The following ZNF680 variants were observed in gnomAD, a reference collection of about 807,000 sequenced individuals.
ZNF680 encodes hypothetical protein FLJ90430.
In ZNF680, 6 loss-of-function variants were observed where a neutral mutation model predicts 12.1. That is an observed-to-expected ratio of 0.49 (90% confidence interval 0.27 to 0.98). ZNF680 has a LOEUF of 0.98. ZNF680 is among the 50% of genes least tolerant of loss of function. The probability of loss-of-function intolerance (pLI) is 0.12; values close to 1 mark genes in which losing one functional copy is unlikely to be tolerated. For missense variants in ZNF680, 561 were observed against 616.3 expected, an observed-to-expected ratio of 0.91 and a Z score of 0.95; for synonymous variants, 170 against 199.3, an observed-to-expected ratio of 0.85 and a Z score of 1.24.
intron 1 of ZNF680, chr7:64,561,029 A>T (rs1787705307): frequency 6.6e-6 from 1 of 150,902 alleles, no homozygotes; most frequent in Non-Finnish European, 1.5e-5. Flanking sequence ...TTTTTTCATC[A>T]TTTTTTTTCA....
At position 64,562,940 on chromosome 7, in the gene ZNF680, A is replaced by G; in HGVS notation, c.15T>C (p.Pro5=). MPGP[P]GSLEMGPLTF... ...GCACTCTCACCATTTCTAGGCTTCC[A>G]GGTGGTCCTGGCATCTTAGCTGTGC... The change falls in exon 1 of 4, where the codon CCT becomes CCC. Residue 5 remains proline (P), a synonymous_variant. Transcript: ENST00000309683. 6.2e-7 allele frequency: 1 copy of G among 1,613,724 alleles called. No individual in the cohort carries two copies. The highest frequency in any genetic ancestry group is 2.2e-5 in the East Asian group (1 of 44,858).
chr7:64,560,322 C>T (rs1221532531), intron 1 of ZNF680, among the ~76,000 whole-genome samples: 1 of 152,066 alleles, frequency 6.6e-6, no homozygotes, highest in Non-Finnish European at 1.5e-5. Flanking sequence ...CCATGTTGGC[C>T]AGGCTGGCCT....
chr7:64,543,927 T>C, intron 2 of ZNF680, 125 bp from the exon 3 acceptor site: 1 of 808,192 alleles, frequency 1.2e-6, no homozygotes, highest in Non-Finnish European at 1.9e-6. Context: ...TACTAATTTA[T>C]AACAGACATT....
At chr7:64,553,756 T>G (rs1424300780) in intron 1 of ZNF680, among the ~76,000 whole-genome samples, 1 of 152,158 alleles carries the variant, frequency 6.6e-6, no homozygotes, top group Non-Finnish European at 1.5e-5. Context: ...AGACTGGTTT[T>G]CGCATTTTTT....
chr7:64,543,566 A>C, intron 3 of ZNF680, 141 bp downstream of exon 3: 4 of 655,842 alleles, frequency 6.1e-6, no homozygotes, highest in Non-Finnish European at 5.3e-6. Context: ...TGTGAGAGCA[A>C]GAGAAAAGAA....
chr7:64,538,974 T>C lies in ZNF680; in HGVS notation c.253+4733A>G, dbSNP rs540025386. ...GGTGAAACCTTGTCTCTACTAAATATACAAAATTTAGCCAGGTGTGGTGGT... is the reference window on the plus strand; with the variant it reads ...GGTGAAACCTTGTCTCTACTAAATACACAAAATTTAGCCAGGTGTGGTGGT... On this transcript the variant is annotated intron_variant, in intron 3 of 3. Transcript: ENST00000309683. Among the ~76,000 whole-genome samples the C allele has an allele frequency of 6.6e-5, 10 of 151,784 alleles. 1 individual carries two copies. The South Asian group carries it at 1.3e-3, about 19-fold the overall frequency.
At chr7:64,561,910 G>A (rs1334425916) in intron 1 of ZNF680, among the ~76,000 whole-genome samples, 2 of 117,096 alleles carry the variant, frequency 1.7e-5, no homozygotes, top group Non-Finnish European at 3.8e-5. Flanking sequence ...ACTCCAGCCT[G>A]GGCGACAGAG....
rs1254227556 is a variant in ZNF680 at position 64,520,324 on chromosome 7, A to G, written c.*837T>C. Reference sequence around the variant, plus strand: ...ATTATTTACTTTTCAAATAAGCCATAATTTTTTCAAGAAAAAAAGTATACT... The same window carrying G: ...ATTATTTACTTTTCAAATAAGCCATGATTTTTTCAAGAAAAAAAGTATACT... On this transcript the variant is annotated 3_prime_UTR_variant, in exon 4 of 4. Coordinates refer to ENST00000309683, the MANE Select transcript of ZNF680 (RefSeq NM_178558.5). The G allele has an allele frequency of 6.6e-6, 1 of 151,766 alleles. No individual in the cohort carries two copies. The highest frequency in any genetic ancestry group is 1.9e-4 in the East Asian group (1 of 5,192). 9.4% of individuals were successfully genotyped at this position (151,766 alleles called of 1,614,324 possible).
chr7:64,560,204 C>T (rs142706820), intron 1 of ZNF680, among the ~76,000 whole-genome samples: 2 of 151,722 alleles, frequency 1.3e-5, no homozygotes, highest in Admixed American at 6.6e-5. Context: ...ACCTCCACCC[C>T]CCGGGTTCAA....
chr7:64,529,996 T>C (rs1785777840), intron 3 of ZNF680, among the ~76,000 whole-genome samples: 1 of 152,218 alleles, frequency 6.6e-6, no homozygotes, highest in Non-Finnish European at 1.5e-5. Context: ...CCTATCTATC[T>C]TCAGCCTCCT....
chr7:64,515,487 T>C (rs1216679554), downstream of ZNF680, among the ~76,000 whole-genome samples: 2 of 151,902 alleles, frequency 1.3e-5, no homozygotes, highest in Non-Finnish European at 2.9e-5. Flanking sequence ...TTGCCTTAGG[T>C]AAATAGCAAC....
At position 64,521,809 on chromosome 7, in the gene ZNF680, A is replaced by C. The variant is rs768894883; in HGVS notation, c.945T>G (p.Ile315Met). Residue 315 changes from isoleucine (I) to methionine (M), a missense_variant, in exon 4 of 4, where the codon ATT becomes ATG. Ile to Met is a conservative substitution (Grantham distance 10, BLOSUM62 1). Transcript: ENST00000309683. ...WFATLTNHKR[I>M]HTGEKPFKCE... ...ATTTGAAGGGTTTCTCTCCAGTATG[A>C]ATTCTCTTATGGTTAGTAAGGGTTG... 9.3e-6 allele frequency: 15 copies of C among 1,613,294 alleles called. No homozygotes were observed. In the South Asian group the frequency reaches 1.6e-4, roughly 18 times the overall value.
chr7:64,499,339 G>A, the ZNF680 span, among the ~76,000 whole-genome samples: 1 of 151,556 alleles, frequency 6.6e-6, no homozygotes, highest in South Asian at 2.1e-4. Flanking sequence ...TAGAGCAGGA[G>A]CACCATCAAC....
intron 3 of ZNF680, among the ~76,000 whole-genome samples, chr7:64,533,262 A>C (rs1785982940): frequency 6.6e-6 from 1 of 152,154 alleles, no homozygotes. Flanking sequence ...TTTATCTTGA[A>C]AACCCCAAAG....
At chr7:64,544,475 T>C (rs760267817) in intron 1 of ZNF680, 43 bp from the exon 2 acceptor site, 12 of 1,571,486 alleles carry the variant, frequency 7.6e-6, no homozygotes, top group East Asian at 2.3e-5. Flanking sequence ...CACACACTTA[T>C]ATATTTACTA....
At position 64,546,153 on chromosome 7, in the gene ZNF680, G is replaced by A. The variant is rs1178747138; in HGVS notation, c.31-1721C>T. Among the ~76,000 whole-genome samples, 4 of 152,258 alleles carry A rather than the reference G, an allele frequency of 2.6e-5. No individual in the cohort carries two copies. In the East Asian group the frequency reaches 7.7e-4, roughly 29 times the overall value. The stretch of plus-strand genomic sequence containing the variant: ...AAAGGTTTGCAAGTACTAAACACAT[G>A]GCATTCCAGGAGGAAGAGTGGACAC... On this transcript the variant is annotated intron_variant, in intron 1 of 3. Transcript: ENST00000309683.
chr7:64,504,650 A>T, the ZNF680 span, among the ~76,000 whole-genome samples: 17 of 152,238 alleles, frequency 1.1e-4, no homozygotes, highest in African/African-American at 4.1e-4. Context: ...CTCAGTGCCC[A>T]GTATTCACCC....
intron 1 of ZNF680, among the ~76,000 whole-genome samples, chr7:64,560,365 T>G (rs981480307): frequency 6.6e-6 from 1 of 152,114 alleles, no homozygotes; most frequent in African/African-American, 2.4e-5. Flanking sequence ...CCACCCCTCT[T>G]GGCATCCTAA....
chr7:64,543,971 G>T, intron 2 of ZNF680, 169 bp from the exon 3 acceptor site: 1 of 685,332 alleles, frequency 1.5e-6, no homozygotes, highest in Non-Finnish European at 2.3e-6. Flanking sequence ...AAATTTTTAG[G>T]TCTTTAATTT....
Sources: allele counts gnomAD v4.1 joint callset (sites outside exome capture counted in the v4.1 genomes callset), GRCh38; gene constraint gnomAD v4.1.1; transcripts MANE v1.5; gene names NCBI Gene and HGNC (gene_info 2026-07-23, HGNC 2026-07-21).